The following NXPE1 variants were observed in gnomAD, a reference collection of about 807,000 sequenced individuals.
NXPE1 encodes the protein NXPE family member 1.
Under a neutral mutation model 33.3 loss-of-function variants are expected in NXPE1, and 31 were observed. The observed-to-expected ratio is 0.93, with a 90% CI of 0.70 to 1.26. NXPE1 has a LOEUF of 1.26. Among genes scored for constraint, NXPE1 ranks in the 50% most tolerant of loss-of-function variants. The probability of loss-of-function intolerance (pLI) is 0.00; values close to 1 mark genes in which losing one functional copy is unlikely to be tolerated. For synonymous variants in NXPE1, 229 were observed against 231.4 expected (o/e 0.99, Z 0.09); for missense variants, 661 against 655.6 (o/e 1.01, Z -0.09).
intron 5 of NXPE1, among the ~76,000 whole-genome samples, chr11:114,549,212 T>C (rs1471328366): frequency 6.6e-6 from 1 of 151,954 alleles, no homozygotes; most frequent in Non-Finnish European, 1.5e-5. Context: ...CAATATTACT[T>C]AAATAAGTTC....
At chr11:114,519,650 A>G (rs545936674), downstream of NXPE1, among the ~76,000 whole-genome samples, 7 of 152,272 alleles carry the variant, frequency 4.6e-5, no homozygotes, top group South Asian at 1.5e-3. Context: ...AAGGAGGGGC[A>G]GGAGGGCATT....
In NXPE1 at chr11:114,522,507, A is replaced by C; in HGVS notation, c.1109-4T>G. On this transcript the variant is annotated splice_polypyrimidine_tract_variant and splice_region_variant and intron_variant, in intron 8 of 8. Transcript: ENST00000534921. ...TGAAGATCAAAAAACTTCAGTGCTG[A>C]TAAAAAAACAAATAGATGTTTTAAA... 6.4e-7 allele frequency: 1 copy of C among 1,571,218 alleles called. No individual in the cohort carries two copies. The highest frequency in any genetic ancestry group is 1.2e-5 in the South Asian group (1 of 84,876).
At chr11:114,525,817 A>G (rs915939845) in intron 7 of NXPE1, among the ~76,000 whole-genome samples, 8 of 152,214 alleles carry the variant, frequency 5.3e-5, no homozygotes, top group Admixed American at 3.3e-4. Flanking sequence ...GTACATGTAT[A>G]AGAGTCAAGC....
At chr11:114,525,841 G>T (rs919793371) in intron 7 of NXPE1, among the ~76,000 whole-genome samples, 1 of 152,128 alleles carries the variant, frequency 6.6e-6, no homozygotes, top group African/African-American at 2.4e-5. Flanking sequence ...GTCTTTGTTC[G>T]GGGCTCAGCC....
At chr11:114,555,393 A>T (rs1948624622) in intron 1 of NXPE1, among the ~76,000 whole-genome samples, 1 of 152,004 alleles carries the variant, frequency 6.6e-6, no homozygotes, top group Admixed American at 6.6e-5. Context: ...TGCCCGGCTA[A>T]TTTTTTATAT....
rs116427194 is a variant in NXPE1, at chr11:114,522,396, C to T, written c.1216G>A (p.Val406Ile). ...ATCAGAGAGTAGAGCTGGAAAGTGA[C>T]GAAGGGATAGCTATGTTTTTTCCAT... Residue 406 changes from valine to isoleucine, a missense_variant, in exon 9 of 9, where the codon GTC becomes ATC. Physicochemically the swap from Val to Ile is conservative, Grantham distance 29. Coordinates refer to ENST00000534921, the Ensembl canonical transcript of NXPE1. 3.0e-4 allele frequency: 487 copies of T among 1,613,948 alleles called. 5 individuals are homozygous for T. In the African/African-American group the frequency reaches 5.3e-3, roughly 18 times the overall value.
intron 5 of NXPE1, among the ~76,000 whole-genome samples, chr11:114,539,360 C>T: frequency 6.6e-6 from 1 of 152,056 alleles, no homozygotes; most frequent in Admixed American, 6.6e-5. Flanking sequence ...GTGCAGCACA[C>T]CAACATGGCA....
chr11:114,541,809 C>T (rs1948107646), intron 5 of NXPE1, among the ~76,000 whole-genome samples: 1 of 152,144 alleles, frequency 6.6e-6, no homozygotes, highest in Non-Finnish European at 1.5e-5. Context: ...AAGAACCAAA[C>T]AAATTTTACA....
chr11:114,551,189 T>A (rs1253402574), exon 5 of NXPE1: 1 of 1,533,568 alleles, frequency 6.5e-7, no homozygotes, highest in Non-Finnish European at 8.7e-7. Context: ...TGAAGCATTG[T>A]ATTTGAGGAC....
chr11:114,551,660 G>A (rs1254790892), intron 3 of NXPE1, among the ~76,000 whole-genome samples: 3 of 152,146 alleles, frequency 2.0e-5, no homozygotes, highest in African/African-American at 7.2e-5. Context: ...CTGTTAACTG[G>A]GCAGGGAGGT....
chr11:114,522,622 T>C (rs1188332851), intron 8 of NXPE1, 119 bp from the exon 9 acceptor site: 2 of 865,274 alleles, frequency 2.3e-6, no homozygotes, highest in Admixed American at 2.9e-5. Flanking sequence ...GGAGCCTTTC[T>C]ACTCTCTAGG....
At chr11:114,536,290 G>C (rs142720996) in intron 5 of NXPE1, among the ~76,000 whole-genome samples, 34,598 of 152,102 alleles carry the variant, frequency 0.23, 5,555 homozygotes, top group African/African-American at 0.45. Context: ...GCAGTGTGTA[G>C]AGGGAAATTT....
rs758429750 is a variant in NXPE1, at chr11:114,527,880, C to A, written c.855G>T (p.Met285Ile). ...CATCAATGTGTTTACGATCCTTCATCATTTCAACTCCCACTTTGGACCTTC... is the reference window on the plus strand; with the variant it reads ...CATCAATGTGTTTACGATCCTTCATAATTTCAACTCCCACTTTGGACCTTC... The change falls in exon 7 of 9, where the codon ATG becomes ATT. Residue 285 changes from methionine (M) to isoleucine (I), a missense_variant. Physicochemically the swap from Met to Ile is conservative, Grantham distance 10. Coordinates refer to ENST00000534921, the Ensembl canonical transcript of NXPE1. 15 of 1,601,196 alleles carry A rather than the reference C, an allele frequency of 9.4e-6. No individual in the cohort carries two copies. The East Asian group carries it at 1.1e-4, about 12-fold the overall frequency.
chr11:114,529,625 G>A (rs1947501454), intron 6 of NXPE1: 1 of 157,616 alleles, frequency 6.3e-6, no homozygotes, highest in African/African-American at 2.4e-5. Context: ...ACCCTGAGAG[G>A]TATATACTGA....
At chr11:114,555,575 G>A (rs1020525472) in intron 1 of NXPE1, among the ~76,000 whole-genome samples, 1 of 152,092 alleles carries the variant, frequency 6.6e-6, no homozygotes, top group African/African-American at 2.4e-5. Flanking sequence ...GGCAAATGTA[G>A]ACACCTGTGT....
chr11:114,555,093 T>C (rs1591310476), intron 1 of NXPE1, among the ~76,000 whole-genome samples: 1 of 152,244 alleles, frequency 6.6e-6, no homozygotes, highest in East Asian at 1.9e-4. Context: ...ATTAAGTATC[T>C]CTTCAATTTG....
chr11:114,553,735 A>G, intron 1 of NXPE1: 1 of 985,362 alleles, frequency 1.0e-6, no homozygotes, highest in Non-Finnish European at 1.2e-6. Context: ...AGTGTCTTTA[A>G]GATGCCTCCA....
intron 1 of NXPE1, chr11:114,554,060 G>A: frequency 9.1e-6 from 9 of 985,264 alleles, no homozygotes; most frequent in Non-Finnish European, 1.1e-5. Flanking sequence ...TTTGTGAATG[G>A]TATCCCAAAT....
In NXPE1 at chr11:114,543,687, CCT is replaced by C. The variant is rs543931645; in HGVS notation, c.99+7414_99+7415del. On this transcript the variant is annotated intron_variant, in intron 5 of 8. Coordinates refer to ENST00000534921, the Ensembl canonical transcript of NXPE1. ...CAATATTGGAACCAGTCAAGAATGT[CCT>C]CTTTCACCACTCCTATTCAACAATG... is the stretch of plus-strand genomic sequence containing the variant. 3.2e-3 allele frequency among the ~76,000 whole-genome samples: 487 copies of C among 152,158 alleles called. 3 individuals are homozygous for C. Among genetic ancestry groups the C allele is most frequent in the African/African-American group, 0.011 (473 of 41,518 alleles).
Sources: allele counts gnomAD v4.1 joint callset (sites outside exome capture counted in the v4.1 genomes callset), GRCh38; gene constraint gnomAD v4.1.1; transcripts MANE v1.5; gene names NCBI Gene and HGNC (gene_info 2026-07-23, HGNC 2026-07-21).